The following SMARCA2 variants were observed in gnomAD, a reference collection of about 807,000 sequenced individuals.
The protein encoded by SMARCA2 is SWI/SNF related BAF chromatin remodeling complex subunit ATPase 2, also known as SWI/SNF-related matrix-associated actin-dependent regulator of chromatin subfamily A member 2.
A neutral mutation model predicts 199.8 loss-of-function variants in SMARCA2; 61 were observed. That is an observed-to-expected ratio of 0.31 (90% confidence interval 0.25 to 0.38). SMARCA2 has a LOEUF of 0.38. SMARCA2 is among the 10% of genes least tolerant of loss of function. The pLI, the probability that SMARCA2 is intolerant of heterozygous loss-of-function variation, is 1.00. For missense variants in SMARCA2, 1,344 were observed against 2,012.2 expected (o/e 0.67, Z 6.35); for synonymous variants, 935 against 732.0 (o/e 1.28, Z -4.48).
intron 27 of SMARCA2, among the ~76,000 whole-genome samples, chr9:2,128,976 T>C (rs138540051): frequency 6.6e-6 from 1 of 152,288 alleles, no homozygotes; most frequent in African/African-American, 2.4e-5. Flanking sequence ...CAGCCACACT[T>C]TGGGGGTCCC....
intron 1 of SMARCA2, among the ~76,000 whole-genome samples, chr9:2,022,275 T>C (rs1818638828): frequency 6.6e-6 from 1 of 152,216 alleles, no homozygotes. Flanking sequence ...ATCCTGGCAA[T>C]AATGCGAGCA....
chr9:2,134,543 C>A (rs1295433097), intron 27 of SMARCA2, among the ~76,000 whole-genome samples: 3 of 152,174 alleles, frequency 2.0e-5, no homozygotes, highest in Non-Finnish European at 4.4e-5. Context: ...GTCTCTGTAA[C>A]CCTGCATGCC....
rs1216247331 is a variant in SMARCA2, at chr9:2,054,718, C to T, written c.1168C>T (p.Arg390Cys). ...LKALRLLNFQ[R>C]QLRQEVVACM... is the part of the protein sequence containing the mutation. ...AGCACTTCGGTTACTCAATTTCCAGCGTCAGGTAATACATTTTCCCCAGTG... is the reference window on the plus strand; with the variant it reads ...AGCACTTCGGTTACTCAATTTCCAGTGTCAGGTAATACATTTTCCCCAGTG... Residue 390 changes from arginine to cysteine, a missense_variant, in exon 6 of 34, where the codon CGT becomes TGT. Arg to Cys is a radical substitution (Grantham distance 180). Transcript: ENST00000349721. 2 of 1,613,790 alleles carry T rather than the reference C, an allele frequency of 1.2e-6. No homozygotes were observed. The highest frequency in any genetic ancestry group is 1.3e-5 in the African/African-American group (1 of 74,884).
rs145491201 is a variant in SMARCA2 at position 2,142,973 on chromosome 9, A to ATT, written c.3982-18706_3982-18705dup. Among the ~76,000 whole-genome samples the ATT allele has an allele frequency of 6.4e-3, 966 of 152,062 alleles. 3 individuals are homozygous for ATT. The highest frequency in any genetic ancestry group is 0.011 in the Non-Finnish European group (739 of 67,986). ...TTTGGAAGCAATTTTGATTAAAATG[A>ATT]TTTTTTTTAAGTTCTTAAACAGATT... is the stretch of plus-strand genomic sequence containing the variant. On this transcript the variant is annotated intron_variant, in intron 27 of 33. Coordinates refer to ENST00000349721, the MANE Select transcript of SMARCA2 (RefSeq NM_003070.5).
At chr9:2,183,929 C>T in intron 31 of SMARCA2, among the ~76,000 whole-genome samples, 1 of 152,130 alleles carries the variant, frequency 6.6e-6, no homozygotes, top group African/African-American at 2.4e-5. Flanking sequence ...TACAACCTTC[C>T]TATCTGTTTT....
At chr9:2,083,919 C>T (rs566103437) in intron 16 of SMARCA2, among the ~76,000 whole-genome samples, 167 bp from the exon 17 acceptor site, 11 of 152,280 alleles carry the variant, frequency 7.2e-5, no homozygotes, top group Admixed American at 2.6e-4. Flanking sequence ...AGGGTCAAGA[C>T]GTGTAATTTA....
intron 28 of SMARCA2, among the ~76,000 whole-genome samples, chr9:2,164,356 A>C (rs1825840360): frequency 6.6e-6 from 1 of 152,138 alleles, no homozygotes; most frequent in African/African-American, 2.4e-5. Flanking sequence ...GTCTTGATTT[A>C]ACCACCTGCA....
chr9:2,155,872 T>C (rs1361006756), intron 27 of SMARCA2, among the ~76,000 whole-genome samples: 2 of 151,850 alleles, frequency 1.3e-5, no homozygotes, highest in African/African-American at 2.4e-5. Context: ...TACATTTCAG[T>C]CCCAAATCAG....
At chr9:2,187,750 T>A (rs2147263) in intron 32 of SMARCA2, among the ~76,000 whole-genome samples, 2 of 151,924 alleles carry the variant, frequency 1.3e-5, no homozygotes, top group African/African-American at 4.8e-5. Context: ...GTGTCTTCAC[T>A]GTATACCTCT....
At chr9:2,054,251 A>G (rs771984484) in intron 5 of SMARCA2, among the ~76,000 whole-genome samples, 7 of 152,224 alleles carry the variant, frequency 4.6e-5, no homozygotes, top group Non-Finnish European at 7.3e-5. Context: ...TGGGAGTTAG[A>G]AAGCTTGTCA....
chr9:2,115,059 C>A lies in SMARCA2; in HGVS notation c.3457-763C>A, dbSNP rs1334137174. On this transcript the variant is annotated intron_variant, in intron 24 of 33. Transcript: ENST00000349721. This position sits in a 1 kb window ranked among gnomAD's most constrained non-coding sequence, Gnocchi z 6.0. ...AATGTTTCTTTTTTTAAAAAAAAAG[C>A]CATTAGAGAGAGTAAATTATTCTGA... Among the ~76,000 whole-genome samples the A allele has an allele frequency of 1.3e-5, 2 of 151,858 alleles. No homozygotes were observed. The highest frequency in any genetic ancestry group is 1.9e-4 in the East Asian group (1 of 5,196).
intron 17 of SMARCA2, among the ~76,000 whole-genome samples, chr9:2,085,371 C>T (rs1014528226): frequency 3.3e-5 from 5 of 152,102 alleles, no homozygotes; most frequent in Non-Finnish European, 7.4e-5. Flanking sequence ...TTATTTGTTA[C>T]TGGAGAAATG....
intron 17 of SMARCA2, 43 bp downstream of exon 17, chr9:2,084,239 G>A (rs1430375804): frequency 9.9e-7 from 1 of 1,006,770 alleles, no homozygotes; most frequent in East Asian, 2.4e-5. Flanking sequence ...TAGGACCATT[G>A]CACTGGAATG....
chr9:2,086,543 A>T lies in SMARCA2; in HGVS notation c.2527-286A>T, dbSNP rs961374286. On this transcript the variant is annotated intron_variant, in intron 17 of 33. Coordinates refer to ENST00000349721, the MANE Select transcript of SMARCA2 (RefSeq NM_003070.5). The surrounding 1 kb of genome is among the most constrained non-coding windows in gnomAD (Gnocchi z 4.3). ...GGGGAGAGGCAGGATCCACACGTGG[A>T]AACAACCATGTCATTCTGGACCCAA... 6.6e-6 allele frequency among the ~76,000 whole-genome samples: 1 copy of T among 152,224 alleles called. No individual in the cohort carries two copies. The highest frequency in any genetic ancestry group is 6.5e-5 in the Admixed American group (1 of 15,284).
At chr9:2,188,790 A>T (rs1258708690) in intron 32 of SMARCA2, among the ~76,000 whole-genome samples, 1 of 152,210 alleles carries the variant, frequency 6.6e-6, no homozygotes, top group African/African-American at 2.4e-5. Context: ...TGGATGCTCT[A>T]GATAGGAATC....
chr9:2,111,246 G>A (rs545645043), intron 24 of SMARCA2, among the ~76,000 whole-genome samples: 9 of 152,002 alleles, frequency 5.9e-5, no homozygotes, highest in African/African-American at 1.7e-4. Context: ...CAGGACTTTG[G>A]GAGGTTGAGG....
intron 6 of SMARCA2, among the ~76,000 whole-genome samples, chr9:2,055,901 T>C (rs1586655077): frequency 1.3e-5 from 2 of 152,336 alleles, no homozygotes; most frequent in South Asian, 4.1e-4. Context: ...GACGGACTCT[T>C]ATTGATTTCT....
At chr9:2,144,601 C>A (rs554118307) in intron 27 of SMARCA2, among the ~76,000 whole-genome samples, 2 of 152,172 alleles carry the variant, frequency 1.3e-5, no homozygotes, top group Non-Finnish European at 2.9e-5. Flanking sequence ...TTAGGAGCTG[C>A]TCAGAAAGCA....
chr9:2,023,180 TGAGGTTCATGGGG>T (rs1230293651), intron 1 of SMARCA2, among the ~76,000 whole-genome samples: 1 of 152,208 alleles, frequency 6.6e-6, no homozygotes, highest in Non-Finnish European at 1.5e-5. Flanking sequence ...AGGCAGTGTC[TGAGGTTCATGGGG>T]GACTAATTAG....
Sources: allele counts gnomAD v4.1 joint callset (sites outside exome capture counted in the v4.1 genomes callset), GRCh38; gene constraint gnomAD v4.1.1; non-coding constraint Gnocchi (gnomAD v3.1); transcripts MANE v1.5; gene names NCBI Gene and HGNC (gene_info 2026-07-23, HGNC 2026-07-21).